The following STRBP variants were observed in gnomAD, a reference collection of about 807,000 sequenced individuals.
STRBP encodes the protein spermatid perinuclear RNA-binding protein.
STRBP carries 13 observed loss-of-function variants against 80.1 expected under a neutral mutation model. The ratio of observed to expected loss-of-function variants is 0.16; its 90% CI spans 0.11 to 0.26. The LOEUF (loss-of-function observed/expected upper bound fraction) is 0.26. STRBP is among the 10% of genes least tolerant of loss of function. STRBP has a pLI of 1.00. For missense variants in STRBP, 485 were observed against 815.2 expected, an observed-to-expected ratio of 0.59 and a Z score of 4.93; for synonymous variants, 284 against 291.2, an observed-to-expected ratio of 0.98 and a Z score of 0.25.
chr9:123,202,356 T>C (rs2039357948), intron 2 of STRBP, among the ~76,000 whole-genome samples: 1 of 152,250 alleles, frequency 6.6e-6, no homozygotes, highest in South Asian at 2.1e-4. Flanking sequence ...ATCAGGCTTT[T>C]GTTTCAAGGT....
At chr9:123,206,688 G>T (rs1246989524) in intron 2 of STRBP, among the ~76,000 whole-genome samples, 1 of 151,644 alleles carries the variant, frequency 6.6e-6, no homozygotes, top group Non-Finnish European at 1.5e-5. Flanking sequence ...GCCCAGGCTG[G>T]AGTGCAATAG....
At chr9:123,193,477 C>G (rs2038994024) in intron 2 of STRBP, among the ~76,000 whole-genome samples, 1 of 152,184 alleles carries the variant, frequency 6.6e-6, no homozygotes, top group Non-Finnish European at 1.5e-5. Flanking sequence ...CCCCCAAACC[C>G]TATCCCATTC....
intron 1 of STRBP, among the ~76,000 whole-genome samples, chr9:123,246,364 C>T (rs982255644): frequency 9.6e-4 from 146 of 152,152 alleles, no homozygotes; most frequent in African/African-American, 3.4e-3. Context: ...TCAACACATC[C>T]GGGCAGCAGT....
At chr9:123,264,645 G>C (rs2041230952) in intron 1 of STRBP, among the ~76,000 whole-genome samples, 1 of 152,044 alleles carries the variant, frequency 6.6e-6, no homozygotes, top group Admixed American at 6.6e-5. Context: ...CAGCACAAAG[G>C]GATTAAATAT....
intron 2 of STRBP, among the ~76,000 whole-genome samples, chr9:123,209,698 T>C (rs563684018): frequency 2.0e-5 from 3 of 152,190 alleles, no homozygotes; most frequent in Non-Finnish European, 4.4e-5. Flanking sequence ...ACAGAGTGCA[T>C]ACATGGAAGT....
chr9:123,172,509 G>A (rs1159652842), intron 5 of STRBP, among the ~76,000 whole-genome samples: 1 of 152,110 alleles, frequency 6.6e-6, no homozygotes, highest in Non-Finnish European at 1.5e-5. Flanking sequence ...GGAGGGAAAG[G>A]TAAATAGATT....
chr9:123,183,369 G>A (rs1422521133), intron 3 of STRBP, among the ~76,000 whole-genome samples: 9 of 151,896 alleles, frequency 5.9e-5, no homozygotes, highest in East Asian at 1.9e-4. Context: ...CCTGGGAGAC[G>A]GAGGTTGCAG....
intron 3 of STRBP, chr9:123,112,045 G>C (rs889389110): frequency 1.0e-4 from 18 of 178,426 alleles, no homozygotes; most frequent in African/African-American, 4.3e-4. Context: ...GGGCCTGCCA[G>C]GCTGCTCAGA....
In STRBP at chr9:123,141,666, A is replaced by T. The variant is rs1588472017; in HGVS notation, c.1339-1979T>A. ...AGACAATAAAAATAGGCTAATATAA[A>T]TTATTTAATACTTCTCTCCACCCTT... On this transcript the variant is annotated intron_variant, in intron 13 of 18. Transcript: ENST00000348403. 5.3e-5 allele frequency among the ~76,000 whole-genome samples: 8 copies of T among 152,332 alleles called. 2 individuals are homozygous for T. The highest frequency in any genetic ancestry group is 5.2e-4 in the Admixed American group (8 of 15,306).
intron 2 of STRBP, among the ~76,000 whole-genome samples, chr9:123,193,322 C>T (rs1287938920): frequency 6.6e-6 from 1 of 152,168 alleles, no homozygotes; most frequent in African/African-American, 2.4e-5. Context: ...ACCACAGAAT[C>T]TAAGGAGGTT....
intron 1 of STRBP, among the ~76,000 whole-genome samples, chr9:123,256,826 A>T (rs2041041815): frequency 6.6e-6 from 1 of 151,714 alleles, no homozygotes; most frequent in Non-Finnish European, 1.5e-5. Flanking sequence ...AAACCAGAGC[A>T]CCCAGAGAAA....
chr9:123,123,354 C>CA lies in STRBP; in HGVS notation c.*2242dup. On this transcript the variant is annotated 3_prime_UTR_variant, in exon 19 of 19. Transcript: ENST00000348403. ...TTACAAAATGGAAGGGTGGGAAGGG[C>CA]AACAGGTGGGGGGACACTTAATTCA... 1 of 985,316 alleles carries CA rather than the reference C, an allele frequency of 1.0e-6. No homozygotes were observed. Among genetic ancestry groups the CA allele is most frequent in the Non-Finnish European group, 1.2e-6 (1 of 829,924 alleles). 61.0% of individuals were successfully genotyped at this position (985,316 alleles called of 1,614,324 possible).
chr9:123,122,463 G>T lies in STRBP; in HGVS notation c.*3134C>A. On this transcript the variant is annotated 3_prime_UTR_variant, in exon 19 of 19. Coordinates refer to ENST00000348403, the MANE Select transcript of STRBP (RefSeq NM_018387.5). Reference sequence around the variant, plus strand: ...ATTAAAAAAAAAAAAAAAAAGAAAAGGCCAATACCAGCAAAATCTCTCAGT... The same window carrying T: ...ATTAAAAAAAAAAAAAAAAAGAAAATGCCAATACCAGCAAAATCTCTCAGT... The T allele has an allele frequency of 8.3e-7, 1 of 1,199,078 alleles. No homozygotes were observed. The highest frequency in any genetic ancestry group is 1.6e-5 in the South Asian group (1 of 64,100). The allele number at this position is 1,199,078 out of a possible 1,614,324, so 74.3% of individuals were successfully genotyped here.
rs2035629391 is a variant in STRBP at position 123,115,346 on chromosome 9, G to C, written c.*84+583C>G. On this transcript the variant is annotated intron_variant and NMD_transcript_variant, in intron 3 of 3. Transcript: ENST00000471564. The surrounding 1 kb of genome is among the most constrained non-coding windows in gnomAD (Gnocchi z 5.0). ...GGCTCCTCTCCTGCCCTCGGCGGGA[G>C]ACCTGGGAACGGGCCTGCCAGCGCC... 1 of 470,966 alleles carries C rather than the reference G, an allele frequency of 2.1e-6. No individual in the cohort carries two copies. Among genetic ancestry groups the C allele is most frequent in the Admixed American group, 2.3e-5 (1 of 42,570 alleles). The allele number at this position is 470,966 out of a possible 1,614,324, so 29.2% of individuals were successfully genotyped here.
At chr9:123,191,728 G>A (rs1004164191) in intron 2 of STRBP, among the ~76,000 whole-genome samples, 2 of 152,018 alleles carry the variant, frequency 1.3e-5, no homozygotes, top group Non-Finnish European at 2.9e-5. Flanking sequence ...TAGCTCACTG[G>A]TCATATAAAA....
At chr9:123,181,188 C>T (rs561545949) in intron 3 of STRBP, among the ~76,000 whole-genome samples, 8 of 152,292 alleles carry the variant, frequency 5.3e-5, no homozygotes, top group African/African-American at 1.9e-4. Flanking sequence ...ACATCCACAA[C>T]CAGTTTTCCA....
chr9:123,267,646 C>T (rs1231937523), intron 1 of STRBP, among the ~76,000 whole-genome samples: 1 of 151,618 alleles, frequency 6.6e-6, no homozygotes, highest in African/African-American at 2.4e-5. Context: ...CCCTTTCAGG[C>T]GCTCCCTGCC....
At chr9:123,141,077 ACAT>A (rs755539471) in intron 13 of STRBP, among the ~76,000 whole-genome samples, 6 of 152,240 alleles carry the variant, frequency 3.9e-5, no homozygotes, top group Non-Finnish European at 2.9e-5. Context: ...TTTAAAAGCA[ACAT>A]CATATTTCTT....
At chr9:123,262,925 ACATCAC>A (rs1464270955) in intron 1 of STRBP, among the ~76,000 whole-genome samples, 9 of 152,226 alleles carry the variant, frequency 5.9e-5, no homozygotes, top group African/African-American at 1.7e-4. Flanking sequence ...CTAATTATCT[ACATCAC>A]CATTAATCTG....
Sources: allele counts gnomAD v4.1 joint callset (sites outside exome capture counted in the v4.1 genomes callset), GRCh38; gene constraint gnomAD v4.1.1; non-coding constraint Gnocchi (gnomAD v3.1); transcripts MANE v1.5; gene names NCBI Gene and HGNC (gene_info 2026-07-23, HGNC 2026-07-21).